The following PCTP variants were observed in gnomAD, a reference collection of about 807,000 sequenced individuals.
PCTP encodes phosphatidylcholine transfer protein.
In PCTP, 27 loss-of-function variants were observed where a neutral mutation model predicts 31.0. The observed-to-expected ratio is 0.87, with a 90% CI of 0.64 to 1.20. The LOEUF (loss-of-function observed/expected upper bound fraction) is 1.20, where lower values mean the gene tolerates loss of function less well. Ranked by LOEUF, PCTP falls within the 50% of genes most tolerant of loss-of-function variation. The probability of loss-of-function intolerance (pLI) is 0.00; values close to 1 mark genes in which losing one functional copy is unlikely to be tolerated. For synonymous variants in PCTP, 108 were observed against 101.2 expected, an observed-to-expected ratio of 1.07 and a Z score of -0.40; for missense variants, 287 against 268.2, an observed-to-expected ratio of 1.07 and a Z score of -0.49.
chr17:55,837,449 C>T (rs1341315261), intron 5 of PCTP, among the ~76,000 whole-genome samples: 4 of 152,054 alleles, frequency 2.6e-5, no homozygotes, highest in Non-Finnish European at 5.9e-5. Flanking sequence ...ATAAATGTGC[C>T]TCTTAGACGA....
intron 3 of PCTP, among the ~76,000 whole-genome samples, chr17:55,794,390 C>T (rs1912112755): frequency 6.6e-6 from 1 of 151,848 alleles, no homozygotes; most frequent in Non-Finnish European, 1.5e-5. Context: ...TGCTACATTT[C>T]ATTCCTTTGT....
chr17:55,816,062 GTTC>G (rs374319089), intron 3 of PCTP, among the ~76,000 whole-genome samples: 29 of 152,088 alleles, frequency 1.9e-4, no homozygotes, highest in African/African-American at 6.5e-4. Context: ...TGAGGACAAG[GTTC>G]TTCTTCTTTA....
At chr17:55,792,800 T>C (rs1912047965) in intron 3 of PCTP, among the ~76,000 whole-genome samples, 1 of 152,158 alleles carries the variant, frequency 6.6e-6, no homozygotes, top group Non-Finnish European at 1.5e-5. Flanking sequence ...TCATTTCAAG[T>C]ATTTGTCTTA....
intron 5 of PCTP, among the ~76,000 whole-genome samples, chr17:55,836,046 T>A (rs1905766157): frequency 6.6e-6 from 1 of 152,170 alleles, no homozygotes; most frequent in South Asian, 2.1e-4. Flanking sequence ...CAACTTAGAT[T>A]CTTTATTCTT....
intron 2 of PCTP, among the ~76,000 whole-genome samples, chr17:55,785,866 TG>T (rs1439085419): frequency 6.6e-6 from 1 of 152,256 alleles, no homozygotes; most frequent in Admixed American, 6.5e-5. Context: ...TATTTGTTCT[TG>T]GTTCTGTTGT....
At chr17:55,843,266 T>C (rs1240289638), downstream of PCTP, among the ~76,000 whole-genome samples, 1 of 152,208 alleles carries the variant, frequency 6.6e-6, no homozygotes, top group Non-Finnish European at 1.5e-5. Context: ...CATGAGGGCA[T>C]TTAAAATGTT....
Position 55,787,812 on chromosome 17 carries a change from C to G in PCTP, c.317+158C>G, listed in dbSNP as rs371548852. ...TCTCCATTGTTGTTTCCTCCTCAGTCTAAACATCCTCAGTTCCTTTAATGA... is the reference window on the plus strand; with the variant it reads ...TCTCCATTGTTGTTTCCTCCTCAGTGTAAACATCCTCAGTTCCTTTAATGA... On this transcript the variant is annotated intron_variant, in intron 3 of 3. Coordinates refer to the PCTP transcript ENST00000572536. Among the ~76,000 whole-genome samples the G allele has an allele frequency of 1.4e-4, 21 of 152,294 alleles. 2 individuals carry two copies. The highest frequency in any genetic ancestry group is 9.1e-4 in the Admixed American group (14 of 15,302).
At chr17:55,753,336 T>C (rs1909813943) in intron 1 of PCTP, among the ~76,000 whole-genome samples, 1 of 152,218 alleles carries the variant, frequency 6.6e-6, no homozygotes, top group Non-Finnish European at 1.5e-5. Context: ...CACTACCTTT[T>C]CAGTGGCCTA....
intron 1 of PCTP, among the ~76,000 whole-genome samples, chr17:55,764,150 C>CA (rs1910506541): frequency 6.6e-6 from 1 of 152,108 alleles, no homozygotes; most frequent in Non-Finnish European, 1.5e-5. Context: ...AAGAAGAGAA[C>CA]CAGTGTAAGG....
chr17:55,796,933 A>G (rs1912205842), intron 3 of PCTP, among the ~76,000 whole-genome samples: 1 of 151,962 alleles, frequency 6.6e-6, no homozygotes, highest in African/African-American at 2.4e-5. Flanking sequence ...TGAAATGAAG[A>G]TTTAAACCTG....
chr17:55,825,091 T>C (rs1403742630), downstream of PCTP, among the ~76,000 whole-genome samples: 1 of 152,192 alleles, frequency 6.6e-6, no homozygotes, highest in Non-Finnish European at 1.5e-5. Context: ...TCTTTTCTTG[T>C]TTAAGAAAAA....
intron 3 of PCTP, among the ~76,000 whole-genome samples, chr17:55,821,414 G>T (rs1053484231): frequency 6.6e-6 from 1 of 152,138 alleles, no homozygotes; most frequent in Admixed American, 6.5e-5. Context: ...TCTTTTGGGG[G>T]TGATAAAATG....
intron 3 of PCTP, among the ~76,000 whole-genome samples, chr17:55,773,396 G>T (rs1453089513): frequency 6.6e-6 from 1 of 152,142 alleles, no homozygotes; most frequent in Non-Finnish European, 1.5e-5. Context: ...GCTTACCTAG[G>T]ACCACACAGC....
intron 3 of PCTP, among the ~76,000 whole-genome samples, chr17:55,799,848 A>G (rs1054929677): frequency 1.3e-4 from 20 of 152,236 alleles, no homozygotes; most frequent in African/African-American, 4.6e-4. Flanking sequence ...GTTTGGCTGG[A>G]TATGAAATTC....
At chr17:55,803,972 A>G (rs981243349) in intron 3 of PCTP, among the ~76,000 whole-genome samples, 23 of 152,186 alleles carry the variant, frequency 1.5e-4, no homozygotes, top group African/African-American at 5.5e-4. Context: ...CCATCTGACA[A>G]AGGTCTAATA....
chr17:55,822,725 ACT>A (rs1905275962), intron 3 of PCTP: 3 of 1,190,840 alleles, frequency 2.5e-6, no homozygotes, highest in Non-Finnish European at 3.2e-6. Context: ...GGCTGTACTT[ACT>A]CTCATCCTTT....
rs1910971681 is a variant in PCTP at position 55,771,088 on chromosome 17, T to C, written c.260-18T>C. ...AAAAAGGCTTCCAGATGCATTAACT[T>C]CTTTTGCTTTCCTTTAGAACTCTAT... On this transcript the variant is annotated intron_variant, in intron 2 of 5. Transcript: ENST00000268896. 6.2e-7 allele frequency: 1 copy of C among 1,602,200 alleles called. No homozygotes were observed. The highest frequency in any genetic ancestry group is 8.6e-7 in the Non-Finnish European group (1 of 1,169,250).
At chr17:55,769,846 G>C (rs540353237) in intron 2 of PCTP, 2 of 152,312 alleles carry the variant, frequency 1.3e-5, no homozygotes, top group South Asian at 4.1e-4. Context: ...AGTAGGGGAA[G>C]GGTGATGCCC....
At position 55,810,673 on chromosome 17, in the gene PCTP, G is replaced by A. The variant is rs114273736; in HGVS notation, c.318-12088G>A. Among the ~76,000 whole-genome samples, 314 of 152,312 alleles carry A rather than the reference G, an allele frequency of 2.1e-3. 1 individual carries two copies. Among genetic ancestry groups the A allele is most frequent in the African/African-American group, 7.3e-3 (304 of 41,568 alleles). Reference sequence around the variant, plus strand: ...CTTGTAGGAGCTCCCTGTGGATGTAGTATTTGGAAAAAAGATTTTGGATAA... The same window carrying A: ...CTTGTAGGAGCTCCCTGTGGATGTAATATTTGGAAAAAAGATTTTGGATAA... On this transcript the variant is annotated intron_variant, in intron 3 of 3. Coordinates refer to the PCTP transcript ENST00000572536.
Sources: gnomAD v4.1 joint callset for allele counts (sites outside exome capture counted in the v4.1 genomes callset) on GRCh38, gnomAD v4.1.1 for gene constraint, MANE v1.5 for transcripts, NCBI Gene and HGNC (gene_info 2026-07-23, HGNC 2026-07-21) for gene names.